The following UNC13C variants were observed in gnomAD, a reference collection of about 807,000 sequenced individuals.
The protein encoded by UNC13C is unc-13 homolog C, also known as protein unc-13 homolog C.
UNC13C carries 174 observed loss-of-function variants against 245.4 expected under a neutral mutation model. The ratio of observed to expected loss-of-function variants is 0.71; its 90% CI spans 0.63 to 0.80. UNC13C has a LOEUF of 0.80. UNC13C is among the 30% of genes least tolerant of loss of function. UNC13C has a pLI of 0.00. For synonymous variants in UNC13C, 992 were observed against 895.1 expected (o/e 1.11, Z -1.93); for missense variants, 2,829 against 2,602.9 (o/e 1.09, Z -1.89).
intron 8 of UNC13C, among the ~76,000 whole-genome samples, chr15:54,250,773 T>A (rs1163547753): frequency 3.6e-5 from 4 of 111,318 alleles, no homozygotes; most frequent in Non-Finnish European, 7.3e-5. Flanking sequence ...TTTTTTTTTT[T>A]TGAGATGGAG....
intron 13 of UNC13C, among the ~76,000 whole-genome samples, chr15:54,319,141 A>G (rs542502371): frequency 6.6e-6 from 1 of 151,938 alleles, no homozygotes; most frequent in East Asian, 2.0e-4. Flanking sequence ...TGAGTGTCCT[A>G]ACAATTTATT....
chr15:53,909,856 G>T, the UNC13C span, among the ~76,000 whole-genome samples: 2,134 of 146,702 alleles, frequency 0.015, 120 homozygotes, highest in African/African-American at 0.049. Flanking sequence ...TATTTTTTAA[G>T]AACACATTGT....
intron 1 of UNC13C, among the ~76,000 whole-genome samples, chr15:53,998,725 A>G (rs911266721): frequency 6.6e-6 from 1 of 152,144 alleles, no homozygotes; most frequent in Non-Finnish European, 1.5e-5. Context: ...TTTGCCTTCA[A>G]TTATAAGCTC....
At chr15:54,545,002 CA>C (rs1896421504) in intron 26 of UNC13C, among the ~76,000 whole-genome samples, 1 of 152,072 alleles carries the variant, frequency 6.6e-6, no homozygotes, top group South Asian at 2.1e-4. Context: ...CAATCCTAAG[CA>C]AAAAGAACAC....
At chr15:54,426,777 G>A (rs984708085) in intron 19 of UNC13C, among the ~76,000 whole-genome samples, 1 of 151,758 alleles carries the variant, frequency 6.6e-6, no homozygotes, top group African/African-American at 2.4e-5. Context: ...ATGCAACACT[G>A]AGCAATTGTT....
At chr15:53,952,553 C>T in the UNC13C span, among the ~76,000 whole-genome samples, 2 of 152,132 alleles carry the variant, frequency 1.3e-5, no homozygotes, top group East Asian at 3.9e-4. Context: ...TTTGAAACAC[C>T]TTGGGACCTT....
chr15:54,479,161 A>G (rs79778238), intron 19 of UNC13C, among the ~76,000 whole-genome samples: 4,937 of 152,136 alleles, frequency 0.032, 188 homozygotes, highest in Admixed American at 0.12. Context: ...CAGTGCTTCA[A>G]TAATCACGGG....
At chr15:53,888,809 C>A in the UNC13C span, among the ~76,000 whole-genome samples, 1 of 152,164 alleles carries the variant, frequency 6.6e-6, no homozygotes, top group African/African-American at 2.4e-5. Flanking sequence ...GATAGGGTAT[C>A]TTTTCCCCAT....
chr15:54,070,311 A>G (rs1333847797), intron 2 of UNC13C, among the ~76,000 whole-genome samples: 3 of 152,222 alleles, frequency 2.0e-5, no homozygotes, highest in Non-Finnish European at 4.4e-5. Flanking sequence ...CAAGGATCTT[A>G]TAATCTAGTT....
At chr15:54,377,679 A>C (rs1046386291) in intron 17 of UNC13C, among the ~76,000 whole-genome samples, 3 of 152,236 alleles carry the variant, frequency 2.0e-5, no homozygotes, top group Non-Finnish European at 4.4e-5. Flanking sequence ...CTAAGGGTCC[A>C]TTCCTTATAG....
At chr15:54,061,508 C>T (rs532408205) in intron 2 of UNC13C, among the ~76,000 whole-genome samples, 24 of 152,070 alleles carry the variant, frequency 1.6e-4, no homozygotes, top group Non-Finnish European at 2.5e-4. Flanking sequence ...AGCACAAAGA[C>T]CAACTTAAAG....
At chr15:53,903,858 T>A in the UNC13C span, among the ~76,000 whole-genome samples, 1 of 152,040 alleles carries the variant, frequency 6.6e-6, no homozygotes, top group South Asian at 2.1e-4. Flanking sequence ...ACATTGGTGT[T>A]GTGGAATAGT....
At chr15:53,925,098 G>C in the UNC13C span, among the ~76,000 whole-genome samples, 1 of 152,138 alleles carries the variant, frequency 6.6e-6, no homozygotes, top group East Asian at 1.9e-4. Flanking sequence ...GTTTCATGGG[G>C]AATGTCACAG....
intron 2 of UNC13C, among the ~76,000 whole-genome samples, chr15:54,051,424 T>G (rs1897261141): frequency 6.6e-6 from 1 of 152,080 alleles, no homozygotes; most frequent in Admixed American, 6.5e-5. Flanking sequence ...AACTTCTATT[T>G]GTATTTGGGT....
At chr15:53,918,370 ACTCT>A in the UNC13C span, among the ~76,000 whole-genome samples, 1 of 150,934 alleles carries the variant, frequency 6.6e-6, no homozygotes, top group Non-Finnish European at 1.5e-5. Context: ...TTTTTTTCTC[ACTCT>A]CTTATCACAA....
chr15:54,397,576 C>G (rs1404682383), intron 18 of UNC13C, among the ~76,000 whole-genome samples: 2 of 151,296 alleles, frequency 1.3e-5, no homozygotes, highest in Non-Finnish European at 3.0e-5. Flanking sequence ...GTCTGCTGGA[C>G]TTTTGATTGA....
chr15:53,837,905 T>C, the UNC13C span, among the ~76,000 whole-genome samples: 3 of 152,196 alleles, frequency 2.0e-5, no homozygotes, highest in Non-Finnish European at 2.9e-5. Context: ...TAGTATCTTA[T>C]TGGTCTGAGT....
chr15:54,469,120 T>C (rs894744527), intron 19 of UNC13C, among the ~76,000 whole-genome samples: 1 of 151,596 alleles, frequency 6.6e-6, no homozygotes, highest in African/African-American at 2.4e-5. Context: ...ATCAATGTTT[T>C]AGAGATTTCA....
At chr15:54,083,520 AG>A (rs1285452882) in intron 2 of UNC13C, among the ~76,000 whole-genome samples, 1 of 152,210 alleles carries the variant, frequency 6.6e-6, no homozygotes, top group Non-Finnish European at 1.5e-5. Context: ...TACATGTGTC[AG>A]CCCCCAGTGG....
Sources: gnomAD v4.1 joint callset for allele counts (sites outside exome capture counted in the v4.1 genomes callset) on GRCh38, gnomAD v4.1.1 for gene constraint, MANE v1.5 for transcripts, NCBI Gene and HGNC (gene_info 2026-07-23, HGNC 2026-07-21) for gene names.